IMMT: variants seen among roughly 807,000 people sequenced by gnomAD.
IMMT encodes the protein MICOS complex subunit MIC60.
Under a neutral mutation model 92.7 loss-of-function variants are expected in IMMT, and 40 were observed. That is an observed-to-expected ratio of 0.43 (90% confidence interval 0.34 to 0.56). The LOEUF (loss-of-function observed/expected upper bound fraction) is 0.56. Ranked by LOEUF, IMMT falls within the 20% of genes least tolerant of loss-of-function variation. The probability of loss-of-function intolerance (pLI) is 0.03; values close to 1 mark genes in which losing one functional copy is unlikely to be tolerated. For missense variants in IMMT, 831 were observed against 912.1 expected, an observed-to-expected ratio of 0.91 and a Z score of 1.14; for synonymous variants, 322 against 336.1, an observed-to-expected ratio of 0.96 and a Z score of 0.46.
chr2:86,171,553 G>C (rs570524523), intron 4 of IMMT: 1 of 525,384 alleles, frequency 1.9e-6, no homozygotes, highest in South Asian at 2.5e-5. Flanking sequence ...GGTTGGGAAC[G>C]AACAAAAGAA....
chr2:86,194,936 T>C (rs1673426113), intron 1 of IMMT: 1 of 212,084 alleles, frequency 4.7e-6, no homozygotes, highest in African/African-American at 2.3e-5. Flanking sequence ...TTATTAAGGA[T>C]GCAACAAGCC....
chr2:86,159,124 C>CA (rs1676080547), intron 9 of IMMT: 2 of 232,146 alleles, frequency 8.6e-6, no homozygotes, highest in African/African-American at 4.6e-5. Context: ...CTCACTCTGT[C>CA]ACCCAGGATA....
chr2:86,171,260 T>C lies in IMMT; in HGVS notation c.507A>G (p.Leu169=). 6.2e-7 allele frequency: 1 copy of C among 1,606,764 alleles called. No homozygotes were observed. Among genetic ancestry groups the C allele is most frequent in the Non-Finnish European group, 8.5e-7 (1 of 1,176,008 alleles). ...PAPAVQPEES[L]KTDHPEIGEG... is the part of the protein sequence containing the mutation. Reference sequence around the variant, plus strand: ...CACCAATTTCAGGGTGATCAGTTTTTAAAGATTCCTCAGGCTGAACTGCAG... The same window carrying C: ...CACCAATTTCAGGGTGATCAGTTTTCAAAGATTCCTCAGGCTGAACTGCAG... Residue 169 remains leucine (L), a synonymous_variant, in exon 5 of 15, where the codon TTA becomes TTG. Coordinates refer to ENST00000410111, the MANE Select transcript of IMMT (RefSeq NM_006839.3).
chr2:86,162,958 T>C (rs79941011), intron 7 of IMMT, among the ~76,000 whole-genome samples: 1,840 of 152,218 alleles, frequency 0.012, 45 homozygotes, highest in African/African-American at 0.041. Context: ...TATATAATAT[T>C]AGGAAGAAAA....
chr2:86,158,794 T>C, intron 9 of IMMT, 73 bp from the exon 10 acceptor site: 1 of 1,215,416 alleles, frequency 8.2e-7, no homozygotes, highest in Non-Finnish European at 1.2e-6. Context: ...ACAGAAGTAG[T>C]ATTCCTTCAT....
chr2:86,146,100 G>A lies in IMMT; in HGVS notation c.1631C>T (p.Ala544Val), dbSNP rs1050348309. The A allele has an allele frequency of 6.2e-7, 1 of 1,603,008 alleles. No homozygotes were observed. Among genetic ancestry groups the A allele is most frequent in the Non-Finnish European group, 8.5e-7 (1 of 1,172,848 alleles). ...NFTLDINTAY[A>V]RLRGIEQAVQ... is the part of the protein sequence containing the mutation. ...AGCCTGTTCGATTCCTCTGAGTCTG[G>A]CATAGGCAGTATTTATATCCAGAGT... The change falls in exon 14 of 15, where the codon GCC becomes GTC. Residue 544 changes from alanine to valine, a missense_variant. Coordinates refer to ENST00000410111, the MANE Select transcript of IMMT (RefSeq NM_006839.3).
At chr2:86,174,050 T>C (rs1313479597) in intron 3 of IMMT, among the ~76,000 whole-genome samples, 3 of 152,212 alleles carry the variant, frequency 2.0e-5, no homozygotes, top group East Asian at 3.8e-4. Flanking sequence ...TTAAACACCA[T>C]TGCTTGTACT....
At chr2:86,193,479 T>C (rs995430280) in intron 1 of IMMT, among the ~76,000 whole-genome samples, 6 of 151,738 alleles carry the variant, frequency 4.0e-5, no homozygotes, top group African/African-American at 1.2e-4. Flanking sequence ...TCTGGATACG[T>C]TGATACAATC....
chr2:86,162,841 T>C (rs1417497460), intron 7 of IMMT, among the ~76,000 whole-genome samples: 3 of 152,096 alleles, frequency 2.0e-5, no homozygotes, highest in African/African-American at 7.2e-5. Flanking sequence ...AGACTACTTC[T>C]CAAAAAAAAG....
intron 1 of IMMT, among the ~76,000 whole-genome samples, chr2:86,186,265 T>A (rs1672761644): frequency 6.6e-6 from 1 of 152,146 alleles, no homozygotes; most frequent in Admixed American, 6.6e-5. Flanking sequence ...TGGAGAAGGT[T>A]GTGAGTGGGA....
At chr2:86,148,618 A>T (rs533260055) in intron 12 of IMMT, among the ~76,000 whole-genome samples, 1 of 152,302 alleles carries the variant, frequency 6.6e-6, no homozygotes, top group South Asian at 2.1e-4. Flanking sequence ...TCTCAAAAAG[A>T]AAAAAGAAAA....
In IMMT at chr2:86,195,418, G is replaced by A. The variant is rs1168617262; in HGVS notation, c.-36C>T. The A allele has an allele frequency of 3.2e-6, 5 of 1,543,136 alleles. No individual in the cohort carries two copies. The highest frequency in any genetic ancestry group is 4.4e-6 in the Non-Finnish European group (5 of 1,143,660). On this transcript the variant is annotated 5_prime_UTR_variant, in exon 1 of 15. Coordinates refer to ENST00000410111, the MANE Select transcript of IMMT (RefSeq NM_006839.3). ...CGGACGGCGCTGCTGGTGGACTCGA[G>A]CTGCCGCGGCGGCGCGAGTTAAGTG...
chr2:86,170,882 G>T, intron 5 of IMMT, 38 bp from the exon 6 acceptor site: 1 of 1,467,968 alleles, frequency 6.8e-7, no homozygotes, highest in Non-Finnish European at 9.3e-7. Context: ...TCAAATTTCA[G>T]CATAGAATTT....
intron 1 of IMMT, among the ~76,000 whole-genome samples, chr2:86,194,379 G>T (rs1488559924): frequency 6.6e-6 from 1 of 152,210 alleles, no homozygotes; most frequent in Non-Finnish European, 1.5e-5. Flanking sequence ...AACTAACACA[G>T]GTTCGTTCCA....
chr2:86,160,360 A>G (rs1241633479), intron 8 of IMMT, among the ~76,000 whole-genome samples: 3 of 152,170 alleles, frequency 2.0e-5, no homozygotes, highest in Admixed American at 2.0e-4. Flanking sequence ...TCACCAACCA[A>G]TGAGAGAGAG....
intron 8 of IMMT, among the ~76,000 whole-genome samples, chr2:86,161,439 C>G (rs1676263103): frequency 2.0e-5 from 3 of 150,490 alleles, no homozygotes; most frequent in African/African-American, 7.3e-5. Context: ...GGATTACAGG[C>G]GTGAGCCACT....
intron 10 of IMMT, 57 bp downstream of exon 10, chr2:86,158,535 A>T (rs1435203059): frequency 1.4e-6 from 2 of 1,418,000 alleles, no homozygotes; most frequent in Non-Finnish European, 1.9e-6. Flanking sequence ...GCAAGTTTAG[A>T]TTCATTGATT....
chr2:86,163,800 C>G (rs1676452936), intron 7 of IMMT, among the ~76,000 whole-genome samples: 1 of 151,466 alleles, frequency 6.6e-6, no homozygotes, highest in Non-Finnish European at 1.5e-5. Flanking sequence ...TGGTGAAACC[C>G]TGTCTCTACT....
chr2:86,178,090 T>TGGATCAC (rs1045886109), intron 3 of IMMT, among the ~76,000 whole-genome samples: 4 of 149,948 alleles, frequency 2.7e-5, no homozygotes, highest in Non-Finnish European at 4.5e-5. Flanking sequence ...CAGAGGCAGG[T>TGGATCAC]GGATCACGAG....
Sources: allele counts gnomAD v4.1 joint callset (sites outside exome capture counted in the v4.1 genomes callset), GRCh38; gene constraint gnomAD v4.1.1; transcripts MANE v1.5; gene names NCBI Gene and HGNC (gene_info 2026-07-23, HGNC 2026-07-21).